The following PITPNM2 variants were observed in gnomAD, a reference collection of about 807,000 sequenced individuals.
The protein encoded by PITPNM2 is phosphatidylinositol transfer protein membrane associated 2.
PITPNM2 carries 35 observed loss-of-function variants against 132.2 expected under a neutral mutation model. The observed-to-expected ratio is 0.26, with a 90% confidence interval of 0.20 to 0.35. The LOEUF (loss-of-function observed/expected upper bound fraction) is 0.35, where lower values mean the gene tolerates loss of function less well. PITPNM2 is among the 10% of genes least tolerant of loss of function. The probability of loss-of-function intolerance (pLI) is 1.00; values close to 1 mark genes in which losing one functional copy is unlikely to be tolerated. For missense variants in PITPNM2, 1,332 were observed against 1,912.0 expected (o/e 0.70, Z 5.66); for synonymous variants, 738 against 799.2 (o/e 0.92, Z 1.29).
At chr12:123,051,117 C>G (rs1222054214) in intron 2 of PITPNM2, among the ~76,000 whole-genome samples, 1 of 152,178 alleles carries the variant, frequency 6.6e-6, no homozygotes, top group Non-Finnish European at 1.5e-5. Flanking sequence ...CAAGGCCCAC[C>G]CCTCGCTGAC....
rs113094215 is a variant in PITPNM2, at chr12:123,064,123, T to C, written c.-95-29438A>G. On this transcript the variant is annotated intron_variant, in intron 2 of 25. Transcript: ENST00000320201. The surrounding 1 kb of genome is among the most constrained non-coding windows in gnomAD (Gnocchi z 4.0). ...TAGGGGAAACAAATCATTGATATCA[T>C]TTTGTCACTATGCATTATTGCCAGC... 2.0e-3 allele frequency among the ~76,000 whole-genome samples: 305 copies of C among 152,320 alleles called. No homozygotes were observed. The highest frequency in any genetic ancestry group is 7.0e-3 in the African/African-American group (290 of 41,564).
At chr12:123,038,382 G>A (rs1270470156) in intron 2 of PITPNM2, among the ~76,000 whole-genome samples, 1 of 152,204 alleles carries the variant, frequency 6.6e-6, no homozygotes, top group Non-Finnish European at 1.5e-5. Context: ...TGACTGCAAA[G>A]CCTCACAATG....
Position 123,108,484 on chromosome 12 carries a change from C to A in PITPNM2, c.-96+1901G>T, listed in dbSNP as rs938743809. 6.6e-6 allele frequency among the ~76,000 whole-genome samples: 1 copy of A among 152,162 alleles called. No homozygotes were observed. Among genetic ancestry groups the A allele is most frequent in the Non-Finnish European group, 1.5e-5 (1 of 68,038 alleles). On this transcript the variant is annotated intron_variant, in intron 2 of 25. Coordinates refer to ENST00000320201, the MANE Select transcript of PITPNM2 (RefSeq NM_020845.3). This position sits in a 1 kb window ranked among gnomAD's most constrained non-coding sequence, Gnocchi z 4.4. ...CTCACCGGGCCCTGCCTCGACTTGG[C>A]AGCCAAGACCTTTGGCAACAGGACA...
chr12:123,075,117 G>T (rs137899460), intron 2 of PITPNM2, among the ~76,000 whole-genome samples: 1 of 152,322 alleles, frequency 6.6e-6, no homozygotes, highest in South Asian at 2.1e-4. Context: ...ATTTGTGTGA[G>T]TGTGCATGTG....
At chr12:122,990,323 C>T (rs1393167176) in intron 17 of PITPNM2, among the ~76,000 whole-genome samples, 4 of 152,252 alleles carry the variant, frequency 2.6e-5, no homozygotes, top group African/African-American at 9.6e-5. Flanking sequence ...AGCTTCTCAG[C>T]CTAGACACTG....
At position 123,106,713 on chromosome 12, in the gene PITPNM2, G is replaced by A. The variant is rs1029154650; in HGVS notation, c.-96+3672C>T. The stretch of plus-strand genomic sequence containing the variant: ...CCCAGATCTCTACCAAGCTCTGTGG[G>A]GACAGCAAAGGAGCTGAGGAGGAGC... On this transcript the variant is annotated intron_variant, in intron 2 of 25. Transcript: ENST00000320201. This position sits in a 1 kb window ranked among gnomAD's most constrained non-coding sequence, Gnocchi z 4.4. Among the ~76,000 whole-genome samples, 3 of 152,318 alleles carry A rather than the reference G, an allele frequency of 2.0e-5. No homozygotes were observed. The South Asian group carries it at 6.2e-4, about 32-fold the overall frequency.
intron 2 of PITPNM2, among the ~76,000 whole-genome samples, chr12:123,057,913 G>T (rs2041093015): frequency 6.6e-6 from 1 of 152,182 alleles, no homozygotes; most frequent in African/African-American, 2.4e-5. Flanking sequence ...AGGGGAACTG[G>T]AACCCTTTTG....
intron 20 of PITPNM2, 86 bp from the exon 21 acceptor site, chr12:122,987,987 GGCAGGCTTGAGCTGTGAGCTGCGCA>G (rs878918874): frequency 7.9e-7 from 1 of 1,260,524 alleles, no homozygotes; most frequent in South Asian, 1.4e-5. Flanking sequence ...GGGCCTGAGG[GGCAGGCTTGAGCTGTGAGCTGCGCA>G]GCCCATGTCT....
chr12:123,069,477 AG>A (rs1566277021), intron 2 of PITPNM2, among the ~76,000 whole-genome samples: 1 of 152,048 alleles, frequency 6.6e-6, no homozygotes, highest in Non-Finnish European at 1.5e-5. Flanking sequence ...AGCAAAGAAA[AG>A]GCCAGAGTCC....
intron 1 of PITPNM2, among the ~76,000 whole-genome samples, chr12:123,135,518 T>C (rs1593033742): frequency 6.6e-6 from 1 of 152,130 alleles, no homozygotes; most frequent in African/African-American, 2.4e-5. Context: ...TAACTCCCCA[T>C]TGCTTCCTCC....
chr12:123,107,725 T>A, intron 2 of PITPNM2, among the ~76,000 whole-genome samples: 1 of 151,960 alleles, frequency 6.6e-6, no homozygotes, highest in African/African-American at 2.4e-5. Flanking sequence ...ACCCTAATCA[T>A]CCTCACATGG....
intron 1 of PITPNM2, among the ~76,000 whole-genome samples, chr12:123,124,251 C>T (rs553896388): frequency 5.3e-5 from 8 of 151,662 alleles, no homozygotes; most frequent in Middle Eastern, 3.4e-3. Context: ...AGTGAGACTC[C>T]GTCTCAAAAA....
chr12:123,042,653 A>G (rs765029796), intron 2 of PITPNM2, among the ~76,000 whole-genome samples: 9 of 152,052 alleles, frequency 5.9e-5, no homozygotes, highest in Non-Finnish European at 1.2e-4. Context: ...GGTATCCATA[A>G]CCTCCTTCTG....
chr12:123,042,822 T>C (rs1185674967), intron 2 of PITPNM2, among the ~76,000 whole-genome samples: 2 of 151,952 alleles, frequency 1.3e-5, no homozygotes. Context: ...CCCCTAACCA[T>C]CTATGTGTAT....
rs2043409654 is a variant in PITPNM2 at position 123,137,658 on chromosome 12, C to T, written c.-200+13095G>A. 2.0e-5 allele frequency among the ~76,000 whole-genome samples: 3 copies of T among 151,976 alleles called. No individual in the cohort carries two copies. The South Asian group carries it at 6.2e-4, about 32-fold the overall frequency. On this transcript the variant is annotated intron_variant, in intron 1 of 25. Transcript: ENST00000320201. The stretch of plus-strand genomic sequence containing the variant: ...CTATCATCCCAGCACTTTGGGAGGC[C>T]GAGACAGGCGGATCACTTGAGGCCA...
At chr12:123,130,058 C>T (rs1435267913) in intron 1 of PITPNM2, among the ~76,000 whole-genome samples, 1 of 152,082 alleles carries the variant, frequency 6.6e-6, no homozygotes, top group African/African-American at 2.4e-5. Context: ...TACACACCAC[C>T]ATACCCAGCT....
Position 123,000,249 on chromosome 12 carries a change from G to A in PITPNM2, c.1224+529C>T, listed in dbSNP as rs1326066531. Reference sequence around the variant, plus strand: ...CAAACAGCTCTGACGGCCCGCAGGTGGAGGAGGATGGGGCATGAACTCCCA... The same window carrying A: ...CAAACAGCTCTGACGGCCCGCAGGTAGAGGAGGATGGGGCATGAACTCCCA... On this transcript the variant is annotated intron_variant, in intron 10 of 25. Coordinates refer to ENST00000320201, the MANE Select transcript of PITPNM2 (RefSeq NM_020845.3). This position sits in a 1 kb window ranked among gnomAD's most constrained non-coding sequence, Gnocchi z 5.4. 3 of 606,566 alleles carry A rather than the reference G, an allele frequency of 4.9e-6. No homozygotes were observed. Among genetic ancestry groups the A allele is most frequent in the South Asian group, 3.9e-5 (2 of 51,270 alleles). The allele number at this position is 606,566 out of a possible 1,614,324, so 37.6% of individuals were successfully genotyped here.
At chr12:123,051,963 C>A (rs960268282) in intron 2 of PITPNM2, among the ~76,000 whole-genome samples, 1 of 150,496 alleles carries the variant, frequency 6.6e-6, no homozygotes, top group Non-Finnish European at 1.5e-5. Flanking sequence ...AGTGCCGTGG[C>A]GCCATCTCGG....
At chr12:123,006,719 GTAA>G (rs10612599) in intron 6 of PITPNM2, among the ~76,000 whole-genome samples, 124,692 of 140,010 alleles carry the variant, frequency 0.89, 55,695 homozygotes, top group East Asian at 0.96. Flanking sequence ...TCTCAAAATA[GTAA>G]TAATAATAAT....
Sources: gnomAD v4.1 joint callset for allele counts (sites outside exome capture counted in the v4.1 genomes callset) on GRCh38, gnomAD v4.1.1 for gene constraint, Gnocchi (gnomAD v3.1) non-coding constraint, MANE v1.5 for transcripts, NCBI Gene and HGNC (gene_info 2026-07-23, HGNC 2026-07-21) for gene names.